Variants in KIAA1671 observed in about 807,000 individuals in gnomAD.
KIAA1671 encodes the protein KIAA1671.
In KIAA1671, 52 loss-of-function variants were observed where a neutral mutation model predicts 131.2. The observed-to-expected ratio is 0.40, with a 90% CI of 0.32 to 0.50. The LOEUF (loss-of-function observed/expected upper bound fraction) is 0.50, where lower values mean the gene tolerates loss of function less well. KIAA1671 is among the 20% of genes least tolerant of loss of function. KIAA1671 has a pLI of 0.73. For missense variants in KIAA1671, 2,360 were observed against 2,364.2 expected (o/e 1.00, Z 0.04); for synonymous variants, 1,003 against 961.6 (o/e 1.04, Z -0.80).
intron 6 of KIAA1671, among the ~76,000 whole-genome samples, chr22:25,103,975 TTTTG>T (rs900574842): frequency 8.5e-5 from 13 of 152,236 alleles, no homozygotes; most frequent in South Asian, 2.1e-4. Context: ...CCACCTTCTT[TTTTG>T]TTTGTTTGTT....
chr22:25,136,416 A>G (rs765264746), intron 6 of KIAA1671, among the ~76,000 whole-genome samples: 1 of 152,162 alleles, frequency 6.6e-6, no homozygotes, highest in Non-Finnish European at 1.5e-5. Flanking sequence ...TTTTTTCTAC[A>G]CTGAACCAGA....
intron 6 of KIAA1671, among the ~76,000 whole-genome samples, chr22:25,124,514 C>G (rs1328125945): frequency 1.3e-5 from 2 of 152,198 alleles, no homozygotes; most frequent in Admixed American, 1.3e-4. Context: ...GCTTGGCTCT[C>G]CCTTCAGACA....
chr22:25,082,375 G>A (rs577166514), intron 6 of KIAA1671, among the ~76,000 whole-genome samples: 2 of 152,200 alleles, frequency 1.3e-5, no homozygotes, highest in Non-Finnish European at 2.9e-5. Context: ...ACCACAATGC[G>A]CAGAGGCCAG....
chr22:25,096,489 C>G (rs777195931), intron 6 of KIAA1671, among the ~76,000 whole-genome samples: 1 of 152,176 alleles, frequency 6.6e-6, no homozygotes, highest in Non-Finnish European at 1.5e-5. Flanking sequence ...CTTCCATCTT[C>G]CCTCCCTGTT....
chr22:25,163,749 G>A (rs1933545549), intron 6 of KIAA1671, among the ~76,000 whole-genome samples: 1 of 151,970 alleles, frequency 6.6e-6, no homozygotes, highest in South Asian at 2.1e-4. Context: ...TTCCTTGGCT[G>A]TATTTATCCA....
chr22:25,049,533 C>A, intron 6 of KIAA1671, 169 bp downstream of exon 6: 1 of 709,116 alleles, frequency 1.4e-6, no homozygotes, highest in Non-Finnish European at 2.2e-6. Context: ...TGTTGTGGTT[C>A]TTGATGTGGA....
chr22:25,125,951 A>G (rs970237269), intron 6 of KIAA1671, among the ~76,000 whole-genome samples: 15 of 152,220 alleles, frequency 9.9e-5, no homozygotes, highest in African/African-American at 3.4e-4. Flanking sequence ...GTCTGCTCTG[A>G]TAAAGCGTTT....
chr22:25,014,140 G>GT (rs1925185407), intron 1 of KIAA1671: 1 of 152,174 alleles, frequency 6.6e-6, no homozygotes, highest in Non-Finnish European at 1.5e-5. Flanking sequence ...TAATTGACAG[G>GT]TTGACCATTA....
intron 11 of KIAA1671, among the ~76,000 whole-genome samples, chr22:25,189,759 A>G (rs1023859106): frequency 1.4e-5 from 2 of 143,660 alleles, no homozygotes; most frequent in East Asian, 2.2e-4. Context: ...AATTTTATAT[A>G]GGACGAATTT....
intron 6 of KIAA1671, among the ~76,000 whole-genome samples, chr22:25,168,715 G>A (rs1333081312): frequency 6.6e-6 from 1 of 152,118 alleles, no homozygotes; most frequent in Non-Finnish European, 1.5e-5. Context: ...AAAGTTTAGG[G>A]AGGAGATATC....
chr22:25,164,976 G>GGCGTGTGT (rs1355376475), intron 6 of KIAA1671, among the ~76,000 whole-genome samples: 13 of 87,422 alleles, frequency 1.5e-4, no homozygotes, highest in African/African-American at 5.7e-4. Flanking sequence ...GAGAGTTGCA[G>GGCGTGTGT]GCGTGTGTGT....
rs1288896508 is a variant in KIAA1671 at position 25,148,117 on chromosome 22, G to A, written c.4531-22703G>A. ...AACACATTGTGCCAGCTTTGGCCCT[G>A]GGAAGAAGGAGGTAAGCCTAGTGTG... On this transcript the variant is annotated intron_variant, in intron 6 of 12. Coordinates refer to ENST00000358431, the MANE Select transcript of KIAA1671 (RefSeq NM_001145206.2). 2.0e-5 allele frequency among the ~76,000 whole-genome samples: 3 copies of A among 151,754 alleles called. No homozygotes were observed. In the East Asian group the frequency reaches 5.8e-4, roughly 29 times the overall value.
chr22:24,992,814 CAAAAAA>C lies in KIAA1671; in HGVS notation c.-207-32800_-207-32795del, dbSNP rs761181079. Among the ~76,000 whole-genome samples the C allele has an allele frequency of 1.2e-4, 7 of 57,380 alleles. 1 individual carries two copies. Among genetic ancestry groups the C allele is most frequent in the East Asian group, 6.3e-4 (1 of 1,586 alleles). 37.6% of individuals were successfully genotyped at this position (57,380 alleles called of 152,430 possible). ...TAGGTGACAGAGCGAGACTCCGTCT[CAAAAAA>C]AAAAAAAAAAAAAAAAAAGACAATG... is the stretch of plus-strand genomic sequence containing the variant. On this transcript the variant is annotated intron_variant, in intron 1 of 12. Coordinates refer to ENST00000358431, the MANE Select transcript of KIAA1671 (RefSeq NM_001145206.2).
At chr22:25,060,807 G>A (rs1928117029) in intron 6 of KIAA1671, 1 of 147,036 alleles carries the variant, frequency 6.8e-6, no homozygotes, top group Non-Finnish European at 1.5e-5. Flanking sequence ...AGGGTAGGAT[G>A]GAGACGGTCT....
intron 6 of KIAA1671, among the ~76,000 whole-genome samples, chr22:25,098,958 T>C (rs1188338076): frequency 2.6e-5 from 4 of 152,076 alleles, no homozygotes; most frequent in Non-Finnish European, 5.9e-5. Flanking sequence ...TGTGGAGGCG[T>C]GCTCTGCAAG....
At position 25,027,980 on chromosome 22, in the gene KIAA1671, A is replaced by T; in HGVS notation, c.-20A>T. 6.9e-7 allele frequency: 1 copy of T among 1,451,502 alleles called. No homozygotes were observed. The highest frequency in any genetic ancestry group is 1.4e-5 in the African/African-American group (1 of 69,766). The allele number at this position is 1,451,502 out of a possible 1,614,324, so 89.9% of individuals were successfully genotyped here. A position where few individuals can be genotyped will look rare whatever the true frequency, so the allele number is the denominator to read the frequency against. On this transcript the variant is annotated 5_prime_UTR_variant, in exon 3 of 13. The change abolishes an upstream ATG in the 5' untranslated region. Transcript: ENST00000358431. Reference sequence around the variant, plus strand: ...TCCATTCTTGAAGTTCCTAACCCCCATGAATCCACAACCATAACCATGGCC... The same window carrying T: ...TCCATTCTTGAAGTTCCTAACCCCCTTGAATCCACAACCATAACCATGGCC...
intron 6 of KIAA1671, among the ~76,000 whole-genome samples, chr22:25,083,878 A>AG (rs1027137236): frequency 1.3e-5 from 2 of 152,182 alleles, no homozygotes; most frequent in African/African-American, 4.8e-5. Flanking sequence ...CTACCTGCCC[A>AG]GGGGGGAGTG....
At chr22:25,016,301 G>A (rs1419200247) in intron 1 of KIAA1671, among the ~76,000 whole-genome samples, 1 of 152,036 alleles carries the variant, frequency 6.6e-6, no homozygotes, top group Admixed American at 6.6e-5. Flanking sequence ...TTACAGGCGT[G>A]AGCCACCGTG....
At chr22:25,027,069 C>T (rs1925985761) in intron 2 of KIAA1671, among the ~76,000 whole-genome samples, 1 of 152,162 alleles carries the variant, frequency 6.6e-6, no homozygotes, top group Non-Finnish European at 1.5e-5. Flanking sequence ...CTCGAGATCT[C>T]ACTCATGGGA....
Sources: gnomAD v4.1 joint callset for allele counts (sites outside exome capture counted in the v4.1 genomes callset) on GRCh38, gnomAD v4.1.1 for gene constraint, MANE v1.5 for transcripts, NCBI Gene and HGNC (gene_info 2026-07-23, HGNC 2026-07-21) for gene names.